Variants in ANO2 observed in about 807,000 individuals in gnomAD.
ANO2 encodes the protein anoctamin 2.
A neutral mutation model predicts 124.2 loss-of-function variants in ANO2; 101 were observed. The ratio of observed to expected loss-of-function variants is 0.81; its 90% CI spans 0.69 to 0.96. The LOEUF is 0.96. Ranked by LOEUF, ANO2 falls within the 40% of genes least tolerant of loss-of-function variation. ANO2 has a pLI of 0.00. For missense variants in ANO2, 1,293 were observed against 1,274.5 expected (o/e 1.01, Z -0.22); for synonymous variants, 486 against 482.5 (o/e 1.01, Z -0.09).
At chr12:5,822,834 T>A (rs528727762) in intron 7 of ANO2, among the ~76,000 whole-genome samples, 2 of 152,302 alleles carry the variant, frequency 1.3e-5, no homozygotes, top group African/African-American at 4.8e-5. Flanking sequence ...GAGGTTTAAT[T>A]AGACTTACAG....
At chr12:5,744,400 A>T in intron 11 of ANO2, 83 bp from the exon 12 acceptor site, 2 of 1,495,012 alleles carry the variant, frequency 1.3e-6, no homozygotes, top group Non-Finnish European at 1.8e-6. Context: ...AATAGCTCCC[A>T]TTTCCAAATC....
intron 1 of ANO2, among the ~76,000 whole-genome samples, chr12:5,933,446 C>T (rs1211215104): frequency 1.3e-5 from 2 of 152,094 alleles, no homozygotes; most frequent in South Asian, 4.1e-4. Flanking sequence ...AGAAAGATGG[C>T]CCTGGCTGTA....
intron 9 of ANO2, among the ~76,000 whole-genome samples, chr12:5,803,311 T>G (rs999568035): frequency 6.6e-6 from 1 of 152,146 alleles, no homozygotes; most frequent in Non-Finnish European, 1.5e-5. Flanking sequence ...AAATGAATCC[T>G]CAGTTGGAAC....
chr12:5,761,514 T>A (rs1442226678), intron 10 of ANO2, among the ~76,000 whole-genome samples: 1 of 152,204 alleles, frequency 6.6e-6, no homozygotes, highest in African/African-American at 2.4e-5. Context: ...TGCCCTTTTA[T>A]AAACTAGTGA....
At chr12:5,850,368 A>G (rs1436634631) in intron 4 of ANO2, among the ~76,000 whole-genome samples, 2 of 146,352 alleles carry the variant, frequency 1.4e-5, no homozygotes, top group Non-Finnish European at 1.5e-5. Context: ...GTGAGCCGAG[A>G]TTGCACCACT....
chr12:5,628,182 G>A (rs556866693), intron 16 of ANO2, among the ~76,000 whole-genome samples: 106 of 152,252 alleles, frequency 7.0e-4, no homozygotes, highest in African/African-American at 2.4e-3. Flanking sequence ...TATAAAGCTC[G>A]CAGGACCCCA....
intron 4 of ANO2, among the ~76,000 whole-genome samples, chr12:5,840,741 G>A (rs1306858289): frequency 2.6e-5 from 4 of 152,200 alleles, no homozygotes; most frequent in African/African-American, 9.7e-5. Flanking sequence ...CAGAACGTGT[G>A]CTGCAGCTGG....
intron 3 of ANO2, among the ~76,000 whole-genome samples, chr12:5,914,327 C>A (rs993080759): frequency 1.3e-5 from 2 of 152,192 alleles, no homozygotes; most frequent in African/African-American, 4.8e-5. Context: ...CTCAGTGCTG[C>A]AATTCAGGTT....
At chr12:5,748,525 A>G (rs1951336294) in intron 11 of ANO2, among the ~76,000 whole-genome samples, 1 of 152,178 alleles carries the variant, frequency 6.6e-6, no homozygotes, top group Non-Finnish European at 1.5e-5. Context: ...CAGCACTGAC[A>G]ACTATTAGTT....
chr12:5,933,731 A>C (rs1161785092), intron 1 of ANO2, among the ~76,000 whole-genome samples: 5 of 152,176 alleles, frequency 3.3e-5, no homozygotes, highest in Admixed American at 3.3e-4. Flanking sequence ...AGACAAGAAC[A>C]TTCCTCTTTA....
intron 3 of ANO2, among the ~76,000 whole-genome samples, chr12:5,889,320 CTCT>C (rs1289976634): frequency 2.0e-5 from 3 of 152,260 alleles, no homozygotes; most frequent in African/African-American, 7.2e-5. Context: ...GGCTGAAGGG[CTCT>C]TCAAGTGCCA....
At chr12:5,750,059 T>C (rs1373512801) in intron 11 of ANO2, among the ~76,000 whole-genome samples, 1 of 152,082 alleles carries the variant, frequency 6.6e-6, no homozygotes, top group Admixed American at 6.5e-5. Flanking sequence ...GCCTCCCAAT[T>C]AGCTGGGACT....
chr12:5,804,874 G>A (rs1268531249), intron 9 of ANO2, among the ~76,000 whole-genome samples: 1 of 152,094 alleles, frequency 6.6e-6, no homozygotes, highest in East Asian at 1.9e-4. Flanking sequence ...GTCACCACCT[G>A]TTTTCTTACA....
intron 7 of ANO2, among the ~76,000 whole-genome samples, chr12:5,816,976 G>A (rs1953631088): frequency 6.6e-6 from 1 of 152,080 alleles, no homozygotes; most frequent in East Asian, 1.9e-4. Context: ...TTTTTTGAAT[G>A]TCAAAAAGGA....
At chr12:5,721,630 C>G (rs925799959) in intron 14 of ANO2, among the ~76,000 whole-genome samples, 1 of 152,128 alleles carries the variant, frequency 6.6e-6, no homozygotes, top group Non-Finnish European at 1.5e-5. Context: ...CTCAGGCTCC[C>G]GAGTAGCTGG....
rs1952978139 is a variant in ANO2 at position 5,799,553 on chromosome 12, C to A, written c.1009G>T (p.Ala337Ser). The A allele has an allele frequency of 6.2e-7, 1 of 1,613,854 alleles. No individual in the cohort carries two copies. The highest frequency in any genetic ancestry group is 1.7e-5 in the Admixed American group (1 of 60,012). Residue 337 changes from alanine (A) to serine (S), a missense_variant, in exon 10 of 25, where the codon GCG (alanine) becomes TCG (serine). Coordinates refer to ENST00000682330, the MANE Select transcript of ANO2 (RefSeq NM_001364791.2). ...AACTTATAGAACACTCCATAGCGCGCCCATTCTTGATATAGCAGCTAAACA... is the reference window on the plus strand; with the variant it reads ...AACTTATAGAACACTCCATAGCGCGACCATTCTTGATATAGCAGCTAAACA... ...NDRKLLYQEW[A>S]RYGVFYKFQP...
chr12:5,849,851 C>G (rs1277220116), intron 4 of ANO2, among the ~76,000 whole-genome samples: 2 of 152,110 alleles, frequency 1.3e-5, no homozygotes, highest in Admixed American at 6.5e-5. Context: ...TGGCTCTCAG[C>G]AAATGTGGTT....
At chr12:5,727,694 G>A (rs1950494624) in intron 14 of ANO2, among the ~76,000 whole-genome samples, 1 of 146,140 alleles carries the variant, frequency 6.8e-6, no homozygotes, top group African/African-American at 2.5e-5. Context: ...CTGGAGTGCA[G>A]TGGCGCAGTC....
At chr12:5,693,301 T>C (rs1591923496) in intron 14 of ANO2, among the ~76,000 whole-genome samples, 1 of 152,204 alleles carries the variant, frequency 6.6e-6, no homozygotes, top group African/African-American at 2.4e-5. Flanking sequence ...ATTCTTCAAG[T>C]TCATATCAAA....
Sources: allele counts gnomAD v4.1 joint callset (sites outside exome capture counted in the v4.1 genomes callset), GRCh38; gene constraint gnomAD v4.1.1; transcripts MANE v1.5; gene names NCBI Gene and HGNC (gene_info 2026-07-23, HGNC 2026-07-21).